KIAA1549L: variants seen among roughly 807,000 people sequenced by gnomAD.
KIAA1549L encodes the protein KIAA1549 like.
A neutral mutation model predicts 160.7 loss-of-function variants in KIAA1549L; 88 were observed. The observed-to-expected ratio is 0.55, with a 90% CI of 0.46 to 0.65. The LOEUF (loss-of-function observed/expected upper bound fraction) is 0.65, where lower values mean the gene tolerates loss of function less well. Ranked by LOEUF, KIAA1549L falls within the 30% of genes least tolerant of loss-of-function variation. The probability of loss-of-function intolerance (pLI) is 0.00; values close to 1 mark genes in which losing one functional copy is unlikely to be tolerated. For missense variants in KIAA1549L, 2,258 were observed against 2,437.5 expected, an observed-to-expected ratio of 0.93 and a Z score of 1.55; for synonymous variants, 950 against 976.7, an observed-to-expected ratio of 0.97 and a Z score of 0.51.
intron 1 of KIAA1549L, among the ~76,000 whole-genome samples, chr11:33,431,102 A>G (rs1434684470): frequency 6.6e-6 from 1 of 151,894 alleles, no homozygotes; most frequent in African/African-American, 2.4e-5. Context: ...AAGGCAGCAC[A>G]TCTGGAGTTG....
intron 10 of KIAA1549L, among the ~76,000 whole-genome samples, chr11:33,576,367 T>G (rs147004325): frequency 3.3e-5 from 5 of 152,340 alleles, no homozygotes; most frequent in Non-Finnish European, 7.3e-5. Flanking sequence ...ATGGTCACTC[T>G]CTGCAATCTT....
At chr11:33,557,332 A>G (rs2133210407) in intron 6 of KIAA1549L, among the ~76,000 whole-genome samples, 1 of 152,210 alleles carries the variant, frequency 6.6e-6, no homozygotes, top group East Asian at 1.9e-4. Flanking sequence ...TGTTCACAAT[A>G]GAGATAAAGA....
rs774799305 is a variant in KIAA1549L at position 33,545,316 on chromosome 11, C to T, written c.3323C>T (p.Thr1108Met). Residue 1108 changes from threonine (T) to methionine (M), a missense_variant, in exon 3 of 21, where the codon ACG becomes ATG. Physicochemically the swap from Thr to Met is moderately conservative, Grantham distance 81 (BLOSUM62 -1). Around this residue, in one of 6 missense-constraint regions of KIAA1549L, gnomAD observed 1,359 missense variants for 1,546.6 expected, o/e 0.88. Coordinates refer to ENST00000658780, the MANE Select transcript of KIAA1549L (RefSeq NM_012194.3). ...CCTGCTGCATCGGCTGCAGTGGTCACGACTGGCAAAATGGCATCCAACCTG... is the reference window on the plus strand; with the variant it reads ...CCTGCTGCATCGGCTGCAGTGGTCATGACTGGCAAAATGGCATCCAACCTG... ...VLPAASAAVV[T>M]TGKMASNLEC... is the part of the protein sequence containing the mutation. 57 of 1,613,360 alleles carry T rather than the reference C, an allele frequency of 3.5e-5. 1 individual carries two copies. The highest frequency in any genetic ancestry group is 9.9e-5 in the South Asian group (9 of 91,058).
intron 1 of KIAA1549L, among the ~76,000 whole-genome samples, chr11:33,420,093 A>ATGTGGTAAATATC (rs1850975497): frequency 1.3e-5 from 2 of 152,146 alleles, no homozygotes; most frequent in Non-Finnish European, 2.9e-5. Flanking sequence ...ATATCATCTG[A>ATGTGGTAAATATC]CACTATTTGT....
chr11:33,466,531 T>C (rs935802045), intron 1 of KIAA1549L, among the ~76,000 whole-genome samples: 5 of 152,216 alleles, frequency 3.3e-5, no homozygotes, highest in African/African-American at 1.2e-4. Context: ...GAGTGTAAAC[T>C]AGTTCAACCA....
intron 1 of KIAA1549L, among the ~76,000 whole-genome samples, chr11:33,439,201 C>T (rs867325645): frequency 2.6e-5 from 4 of 151,672 alleles, no homozygotes; most frequent in East Asian, 2.0e-4. Flanking sequence ...TGTGAGCCAC[C>T]GTGTCTGGCC....
chr11:33,425,319 A>T (rs1198362594), intron 1 of KIAA1549L, among the ~76,000 whole-genome samples: 1 of 152,044 alleles, frequency 6.6e-6, no homozygotes, highest in Non-Finnish European at 1.5e-5. Flanking sequence ...CTCTTGGTTG[A>T]CTCATTCTCT....
At chr11:33,665,294 G>A (rs558084737) in intron 20 of KIAA1549L, 1 of 152,480 alleles carries the variant, frequency 6.6e-6, no homozygotes, top group Admixed American at 6.5e-5. Context: ...CTCTCTGTAG[G>A]CAGGTCATCC....
At chr11:33,660,719 C>T in intron 19 of KIAA1549L, 144 bp from the exon 20 acceptor site, 1 of 727,224 alleles carries the variant, frequency 1.4e-6, no homozygotes, top group East Asian at 2.7e-5. Flanking sequence ...AGCAAGCTCC[C>T]CTCAGCTCAG....
chr11:33,668,363 C>A lies in KIAA1549L; in HGVS notation c.*209C>A, dbSNP rs1852558297. ...CATCCAACTGATTGTGGGTCAAGTCCCTGGCTTGGGGCCTTATGTTTGATA... is the reference window on the plus strand; with the variant it reads ...CATCCAACTGATTGTGGGTCAAGTCACTGGCTTGGGGCCTTATGTTTGATA... On this transcript the variant is annotated 3_prime_UTR_variant, in exon 21 of 21. Transcript: ENST00000658780. 6.7e-6 allele frequency: 4 copies of A among 597,812 alleles called. No homozygotes were observed. In the South Asian group the frequency reaches 8.6e-5, roughly 13 times the overall value. The allele number at this position is 597,812 out of a possible 1,614,324, so 37.0% of individuals were successfully genotyped here. A position where few individuals can be genotyped will look rare whatever the true frequency, so the allele number is the denominator to read the frequency against.
At chr11:33,505,452 C>G (rs1853059413) in intron 1 of KIAA1549L, among the ~76,000 whole-genome samples, 1 of 152,186 alleles carries the variant, frequency 6.6e-6, no homozygotes, top group Non-Finnish European at 1.5e-5. Context: ...CTCTTCTATC[C>G]CTATCACATG....
At chr11:33,489,254 C>T (rs1852600930) in intron 1 of KIAA1549L, among the ~76,000 whole-genome samples, 1 of 152,160 alleles carries the variant, frequency 6.6e-6, no homozygotes, top group Non-Finnish European at 1.5e-5. Context: ...AGGTCTCGCT[C>T]CCCACCTTAT....
At chr11:33,444,324 A>C (rs1031198750) in intron 1 of KIAA1549L, among the ~76,000 whole-genome samples, 2 of 152,248 alleles carry the variant, frequency 1.3e-5, no homozygotes, top group Non-Finnish European at 2.9e-5. Flanking sequence ...AATCCTATGC[A>C]GCTATATTAA....
intron 6 of KIAA1549L, 146 bp downstream of exon 6, chr11:33,552,387 A>T: frequency 1.1e-6 from 1 of 901,094 alleles, no homozygotes; most frequent in East Asian, 2.7e-5. Context: ...TGTCTGGGGT[A>T]TGGCCATGAC....
intron 6 of KIAA1549L, among the ~76,000 whole-genome samples, chr11:33,556,463 A>G (rs915629333): frequency 7.9e-5 from 12 of 152,256 alleles, no homozygotes; most frequent in Admixed American, 5.9e-4. Context: ...ATACAATGGA[A>G]TATTATTCAG....
intron 1 of KIAA1549L, among the ~76,000 whole-genome samples, chr11:33,451,777 A>G (rs796511447): frequency 5.9e-5 from 9 of 152,350 alleles, no homozygotes; most frequent in African/African-American, 2.2e-4. Context: ...AAAAAACCTC[A>G]AAAGCAAGAA....
At chr11:33,535,834 T>C (rs970198829) in intron 1 of KIAA1549L, among the ~76,000 whole-genome samples, 1 of 152,140 alleles carries the variant, frequency 6.6e-6, no homozygotes, top group Non-Finnish European at 1.5e-5. Context: ...CTTCCTAAAG[T>C]GTGTTTTAAG....
At chr11:33,448,630 TATG>T (rs960547801) in intron 1 of KIAA1549L, among the ~76,000 whole-genome samples, 3 of 152,220 alleles carry the variant, frequency 2.0e-5, no homozygotes, top group African/African-American at 7.2e-5. Flanking sequence ...GTCTTTTGGT[TATG>T]ATATTCCCAG....
intron 1 of KIAA1549L, among the ~76,000 whole-genome samples, chr11:33,502,182 A>G (rs946361701): frequency 6.6e-6 from 1 of 152,194 alleles, no homozygotes; most frequent in East Asian, 1.9e-4. Flanking sequence ...ATTCTGTTGC[A>G]GAGGCCTGAT....
Sources: allele counts gnomAD v4.1 joint callset (sites outside exome capture counted in the v4.1 genomes callset), GRCh38; gene constraint gnomAD v4.1.1; regional missense constraint gnomAD v4.1.1; transcripts MANE v1.5; gene names NCBI Gene and HGNC (gene_info 2026-07-23, HGNC 2026-07-21).